Variants in MBTPS2 observed in about 807,000 individuals in gnomAD.
MBTPS2 encodes membrane bound transcription factor peptidase, site 2.
Under a neutral mutation model 35.4 loss-of-function variants are expected in MBTPS2, and 2 were observed. The observed-to-expected ratio is 0.06, with a 90% CI of 0.02 to 0.18. The LOEUF is 0.18. MBTPS2 is among the 10% of genes least tolerant of loss of function. The probability of loss-of-function intolerance (pLI) is 1.00; values close to 1 mark genes in which losing one functional copy is unlikely to be tolerated. For synonymous variants in MBTPS2, 125 were observed against 140.4 expected (o/e 0.89, Z 0.77); for missense variants, 244 against 386.5 (o/e 0.63, Z 3.09).
At chrX:21,856,574 T>C (rs1015318232) in intron 5 of MBTPS2, 1 of 1,212,028 alleles carries the variant, frequency 8.3e-7, no homozygotes, top group Non-Finnish European at 1.1e-6. Context: ...TGGAGCCCCT[T>C]CCTATGGAGG....
rs923082084 is a variant in MBTPS2, at chrX:21,884,978, G to T, written c.*2323G>T. 9.1e-5 allele frequency: 68 copies of T among 749,875 alleles called. No homozygotes were observed. Among genetic ancestry groups the T allele is most frequent in the Non-Finnish European group, 1.1e-4 (68 of 636,516 alleles). The allele number at this position is 749,875 out of a possible 1,213,427, so 61.8% of individuals were successfully genotyped here. ...GATTGGAAAAATGGATTATTTTGAG[G>T]ATTGAAGAAAGTGTTCTTTCTGCGT... On this transcript the variant is annotated 3_prime_UTR_variant, in exon 11 of 11. Coordinates refer to ENST00000379484, the MANE Select transcript of MBTPS2 (RefSeq NM_015884.4).
intron 7 of MBTPS2, among the ~76,000 whole-genome samples, chrX:21,876,112 A>G (rs1386295846): frequency 1.8e-5 from 2 of 112,349 alleles, no homozygotes; most frequent in South Asian, 3.7e-4. Flanking sequence ...TGATTTTTCT[A>G]AAGAATTCCT....
At chrX:21,881,170 T>G (rs2092958853) in intron 10 of MBTPS2, among the ~76,000 whole-genome samples, 198 bp downstream of exon 10, 1 of 111,269 alleles carries the variant, frequency 9.0e-6, no homozygotes, top group Non-Finnish European at 1.9e-5. Context: ...TTAATCAGAG[T>G]GAGAAAGGTT....
intron 4 of MBTPS2, among the ~76,000 whole-genome samples, chrX:21,851,857 C>A (rs1296784729): frequency 2.7e-5 from 3 of 111,507 alleles, no homozygotes; most frequent in African/African-American, 6.5e-5. Context: ...CTATCCTTTG[C>A]CTTTTCCAGT....
intron 4 of MBTPS2, among the ~76,000 whole-genome samples, chrX:21,851,818 C>T (rs910182463): frequency 5.4e-5 from 6 of 111,638 alleles, no homozygotes; most frequent in Non-Finnish European, 1.1e-4. Flanking sequence ...GCTCCATTAA[C>T]CATGGGCATA....
chrX:21,880,581 T>C (rs891945544), intron 9 of MBTPS2, among the ~76,000 whole-genome samples: 1 of 111,462 alleles, frequency 9.0e-6, no homozygotes, highest in African/African-American at 3.3e-5. Context: ...GGTTAAGTAG[T>C]ATAATAGTAG....
chrX:21,868,431 C>G, intron 5 of MBTPS2, 36 bp from the exon 6 acceptor site: 1 of 883,035 alleles, frequency 1.1e-6, no homozygotes, highest in South Asian at 2.0e-5. Flanking sequence ...TTCCTGCCCC[C>G]GGTTGAGCTT....
At chrX:21,842,056 A>C (rs756085225) in intron 1 of MBTPS2, 1 of 112,278 alleles carries the variant, frequency 8.9e-6, no homozygotes, top group South Asian at 3.7e-4. Flanking sequence ...TATTCAGACT[A>C]TGGTCATTTT....
At chrX:21,856,252 G>A (rs1290951078) in intron 5 of MBTPS2, 7 of 406,999 alleles carry the variant, frequency 1.7e-5, no homozygotes, top group South Asian at 9.8e-5. Context: ...AAGCACCTGC[G>A]CCTTCCGGCT....
intron 3 of MBTPS2, among the ~76,000 whole-genome samples, chrX:21,847,757 A>C (rs1886653725): frequency 8.9e-6 from 1 of 112,158 alleles, no homozygotes; most frequent in African/African-American, 3.2e-5. Context: ...TTAAGTATGT[A>C]AATTTAGAGA....
intron 4 of MBTPS2, 80 bp downstream of exon 4, chrX:21,851,692 T>G: frequency 1.5e-6 from 1 of 657,718 alleles, no homozygotes; most frequent in South Asian, 2.2e-5. Flanking sequence ...TAAAATCTGC[T>G]ATATTTGATA....
intron 6 of MBTPS2, among the ~76,000 whole-genome samples, 153 bp downstream of exon 6, chrX:21,868,738 A>G (rs1219931321): frequency 1.8e-5 from 2 of 112,707 alleles, no homozygotes; most frequent in Non-Finnish European, 3.7e-5. Context: ...TCTAACAAAT[A>G]ATGTTGGGAA....
intron 7 of MBTPS2, among the ~76,000 whole-genome samples, chrX:21,874,413 G>C (rs1245001343): frequency 9.0e-6 from 1 of 111,125 alleles, no homozygotes; most frequent in Non-Finnish European, 1.9e-5. Flanking sequence ...AAATAGGCTT[G>C]CTTCCCTGTG....
intron 5 of MBTPS2, among the ~76,000 whole-genome samples, chrX:21,863,991 G>A (rs1227454255): frequency 8.9e-6 from 1 of 112,126 alleles, no homozygotes; most frequent in East Asian, 2.8e-4. Flanking sequence ...TGAGCTGTGA[G>A]CTCACCGTGG....
intron 5 of MBTPS2, among the ~76,000 whole-genome samples, chrX:21,853,870 GA>G (rs756736829): frequency 1.8e-5 from 2 of 110,941 alleles, no homozygotes; most frequent in Non-Finnish European, 3.8e-5. Flanking sequence ...TCCAGGAATG[GA>G]AAAAAAGGGT....
intron 5 of MBTPS2, among the ~76,000 whole-genome samples, chrX:21,854,354 A>G (rs1355875234): frequency 8.9e-6 from 1 of 112,286 alleles, no homozygotes; most frequent in Non-Finnish European, 1.9e-5. Context: ...ACCAAAACAC[A>G]TTTATTTTGT....
rs775806703 is a variant in MBTPS2 at position 21,878,148 on chromosome X, C to T, written c.1065+12C>T. ...TTAATAAGCGTTTGGTAAGTTGTCC[C>T]TGAAGCAGTCTTGCTTGTCTGATAT... On this transcript the variant is annotated intron_variant, in intron 8 of 10. Transcript: ENST00000379484. 1.8e-4 allele frequency: 199 copies of T among 1,118,031 alleles called. No homozygotes were observed. Among genetic ancestry groups the T allele is most frequent in the South Asian group, 9.9e-4 (54 of 54,779 alleles). The allele number at this position is 1,118,031 out of a possible 1,213,427, so 92.1% of individuals were successfully genotyped here.
In MBTPS2 at chrX:21,851,610, T is replaced by C. The variant is rs1461236554; in HGVS notation, c.540T>C (p.Ile180=). The C allele has an allele frequency of 1.8e-6, 2 of 1,130,043 alleles. No homozygotes were observed. The highest frequency in any genetic ancestry group is 2.4e-6 in the Non-Finnish European group (2 of 822,727). 93.1% of individuals were successfully genotyped at this position (1,130,043 alleles called of 1,213,427 possible). The change falls in exon 4 of 11, where the codon ATT becomes ATC. Residue 180 remains isoleucine, a splice_region_variant and synonymous_variant. Transcript: ENST00000379484. The part of the protein sequence containing the change: ...VHEIGHGIAA[I]REQVRFNGFG... ...AAATTGGACATGGGATAGCAGCTAT[T>C]AGGTAATGATATTTACCTTTTTCTT...
At chrX:21,856,282 C>A (rs1476519230) in intron 5 of MBTPS2, 1 of 284,106 alleles carries the variant, frequency 3.5e-6, no homozygotes, top group Non-Finnish European at 5.7e-6. Context: ...CTCAGTCTCG[C>A]GCCTTTCTCT....
Sources: gnomAD v4.1 joint callset for allele counts (sites outside exome capture counted in the v4.1 genomes callset) on GRCh38, gnomAD v4.1.1 for gene constraint, MANE v1.5 for transcripts, NCBI Gene and HGNC (gene_info 2026-07-23, HGNC 2026-07-21) for gene names.